The following FMN1 variants were observed in gnomAD, a reference collection of about 807,000 sequenced individuals.
FMN1 encodes formin 1, also known as formin-1.
A neutral mutation model predicts 132.4 loss-of-function variants in FMN1; 110 were observed. That is an observed-to-expected ratio of 0.83 (90% CI 0.71 to 0.97). FMN1 has a LOEUF of 0.97. Ranked by LOEUF, FMN1 falls within the 50% of genes least tolerant of loss-of-function variation. The pLI, the probability that FMN1 is intolerant of heterozygous loss-of-function variation, is 0.00. For missense variants in FMN1, 1,792 were observed against 1,705.3 expected, an observed-to-expected ratio of 1.05 and a Z score of -0.90; for synonymous variants, 722 against 651.7, an observed-to-expected ratio of 1.11 and a Z score of -1.64.
intron 17 of FMN1, among the ~76,000 whole-genome samples, 156 bp from the exon 18 acceptor site, chr15:32,804,488 C>T (rs1460277936): frequency 2.3e-5 from 3 of 128,582 alleles, no homozygotes. Flanking sequence ...CAATAACACT[C>T]AATTTGCTTT....
intron 16 of FMN1, 150 bp downstream of exon 16, chr15:32,888,022 T>C (rs2059935380): frequency 1.8e-6 from 1 of 561,316 alleles, no homozygotes. Flanking sequence ...ACACACTGTG[T>C]AGAGAAGGAA....
At chr15:33,122,679 G>A (rs1428196366) in intron 4 of FMN1, among the ~76,000 whole-genome samples, 2 of 152,146 alleles carry the variant, frequency 1.3e-5, no homozygotes, top group African/African-American at 4.8e-5. Flanking sequence ...TCAAATCTAG[G>A]AACACTAAAT....
chr15:33,128,783 G>C (rs552933110), intron 4 of FMN1, among the ~76,000 whole-genome samples: 4 of 152,344 alleles, frequency 2.6e-5, no homozygotes, highest in African/African-American at 7.2e-5. Flanking sequence ...GACCCAAACG[G>C]TGAGCAGCAG....
chr15:33,065,436 T>C (rs1372117578), intron 5 of FMN1, among the ~76,000 whole-genome samples: 2 of 152,246 alleles, frequency 1.3e-5, no homozygotes, highest in East Asian at 1.9e-4. Context: ...TGTTTACCAA[T>C]GTATCCCGGG....
chr15:32,986,393 T>C (rs955581451), intron 7 of FMN1, among the ~76,000 whole-genome samples: 1 of 152,120 alleles, frequency 6.6e-6, no homozygotes, highest in Non-Finnish European at 1.5e-5. Context: ...CCACAGGGCA[T>C]CAATACCCAT....
rs377174963 is a variant in FMN1, at chr15:32,900,131, A to C, written c.3508-6T>G. ...CTCTTCACGTGCAGCAAGTCCTGTGATGGCAAACACCAGTTATTACGGAGC... is the reference window on the plus strand; with the variant it reads ...CTCTTCACGTGCAGCAAGTCCTGTGCTGGCAAACACCAGTTATTACGGAGC... On this transcript the variant is annotated splice_polypyrimidine_tract_variant and splice_region_variant and intron_variant, in intron 13 of 20. Coordinates refer to ENST00000616417, the MANE Select transcript of FMN1 (RefSeq NM_001277313.2). 6.2e-7 allele frequency: 1 copy of C among 1,613,456 alleles called. No individual in the cohort carries two copies. The highest frequency in any genetic ancestry group is 8.5e-7 in the Non-Finnish European group (1 of 1,179,840).
At chr15:32,955,263 G>A (rs1312111118) in intron 9 of FMN1, among the ~76,000 whole-genome samples, 1 of 152,116 alleles carries the variant, frequency 6.6e-6, no homozygotes, top group Non-Finnish European at 1.5e-5. Context: ...CAAGGTCATT[G>A]AGACTTCTCT....
At position 33,128,201 on chromosome 15, in the gene FMN1, A is replaced by G. The variant is rs531705414; in HGVS notation, c.1867+24847T>C. On this transcript the variant is annotated intron_variant, in intron 4 of 20. Coordinates refer to ENST00000616417, the MANE Select transcript of FMN1 (RefSeq NM_001277313.2). ...AGCAAACAAATTGCTCCCGGGAAAAAAAGCAAAAAGCAGACTTACGAGCAA... is the reference window on the plus strand; with the variant it reads ...AGCAAACAAATTGCTCCCGGGAAAAGAAGCAAAAAGCAGACTTACGAGCAA... Among the ~76,000 whole-genome samples the G allele has an allele frequency of 2.0e-5, 3 of 152,278 alleles. No individual in the cohort carries two copies. In the South Asian group the frequency reaches 6.2e-4, roughly 32 times the overall value.
intron 6 of FMN1, among the ~76,000 whole-genome samples, chr15:33,034,455 T>G (rs778653482): frequency 4.5e-4 from 69 of 152,040 alleles, no homozygotes; most frequent in Non-Finnish European, 8.4e-4. Flanking sequence ...CATGCGCCTG[T>G]AGTCCCAGCT....
At chr15:32,784,270 T>A (rs2056774056) in intron 19 of FMN1, among the ~76,000 whole-genome samples, 2 of 152,162 alleles carry the variant, frequency 1.3e-5, no homozygotes, top group African/African-American at 4.8e-5. Flanking sequence ...AATTAGGGGA[T>A]CCTCCAGATG....
intron 16 of FMN1, among the ~76,000 whole-genome samples, chr15:32,859,368 C>T (rs557208354): frequency 6.6e-6 from 1 of 152,306 alleles, no homozygotes; most frequent in Admixed American, 6.5e-5. Flanking sequence ...CTATTTCCCA[C>T]ATGTATTTGA....
rs1031575012 is a variant in FMN1 at position 33,128,229 on chromosome 15, A to G, written c.1867+24819T>C. On this transcript the variant is annotated intron_variant, in intron 4 of 20. Coordinates refer to ENST00000616417, the MANE Select transcript of FMN1 (RefSeq NM_001277313.2). ...GCAAAAAGCAGACTTACGAGCAACC[A>G]AAGACCATAATTTCCAACACCCTCA... is the stretch of plus-strand genomic sequence containing the variant. Among the ~76,000 whole-genome samples the G allele has an allele frequency of 7.9e-5, 12 of 152,054 alleles. No homozygotes were observed. In the South Asian group the frequency reaches 2.3e-3, roughly 29 times the overall value.
chr15:32,852,271 A>G (rs1281917189), intron 17 of FMN1, among the ~76,000 whole-genome samples: 1 of 152,150 alleles, frequency 6.6e-6, no homozygotes, highest in Non-Finnish European at 1.5e-5. Flanking sequence ...GAGTTACCCT[A>G]TTCTCCTCTG....
chr15:33,085,007 T>G (rs2141342519), intron 5 of FMN1, among the ~76,000 whole-genome samples: 1 of 152,348 alleles, frequency 6.6e-6, no homozygotes, highest in Non-Finnish European at 1.5e-5. Context: ...GTCCAATGTC[T>G]CAGGCTGATC....
At chr15:33,056,773 A>G (rs2037236273) in intron 6 of FMN1, among the ~76,000 whole-genome samples, 1 of 152,262 alleles carries the variant, frequency 6.6e-6, no homozygotes, top group Non-Finnish European at 1.5e-5. Flanking sequence ...TAGGGGAATG[A>G]AAATAAATGA....
chr15:32,841,564 C>T (rs1353139748), intron 17 of FMN1, among the ~76,000 whole-genome samples: 2 of 152,096 alleles, frequency 1.3e-5, no homozygotes, highest in Non-Finnish European at 1.5e-5. Context: ...AAAACTGCAG[C>T]AAATGGGACT....
intron 6 of FMN1, among the ~76,000 whole-genome samples, chr15:33,014,186 G>T (rs1217303925): frequency 6.6e-6 from 1 of 152,190 alleles, no homozygotes; most frequent in East Asian, 1.9e-4. Flanking sequence ...TCACAAGAGA[G>T]TAGTAAGAGA....
chr15:32,965,072 T>C (rs2031068552), intron 8 of FMN1, among the ~76,000 whole-genome samples: 1 of 152,134 alleles, frequency 6.6e-6, no homozygotes, highest in Non-Finnish European at 1.5e-5. Flanking sequence ...ATCTCCCAAA[T>C]GTTTACTTTC....
At chr15:33,149,460 G>A (rs547199341) in intron 4 of FMN1, among the ~76,000 whole-genome samples, 3 of 152,034 alleles carry the variant, frequency 2.0e-5, no homozygotes, top group African/African-American at 7.2e-5. Flanking sequence ...GCTATTTTTT[G>A]CCACTACAGA....
Sources: allele counts gnomAD v4.1 joint callset (sites outside exome capture counted in the v4.1 genomes callset), GRCh38; gene constraint gnomAD v4.1.1; transcripts MANE v1.5; gene names NCBI Gene and HGNC (gene_info 2026-07-23, HGNC 2026-07-21).